The following EDARADD variants were observed in gnomAD, a reference collection of about 807,000 sequenced individuals.
EDARADD encodes the protein ectodysplasin-A receptor-associated adapter protein.
EDARADD carries 20 observed loss-of-function variants against 25.6 expected under a neutral mutation model. The ratio of observed to expected loss-of-function variants is 0.78; its 90% CI spans 0.55 to 1.14. The LOEUF (loss-of-function observed/expected upper bound fraction) is 1.14, where lower values mean the gene tolerates loss of function less well. Ranked by LOEUF, EDARADD falls within the 50% of genes most tolerant of loss-of-function variation. EDARADD has a pLI of 0.00. For missense variants in EDARADD, 225 were observed against 270.1 expected (o/e 0.83, Z 1.17); for synonymous variants, 86 against 94.4 (o/e 0.91, Z 0.52).
chr1:236,416,886 G>A (rs1657652120), intron 3 of EDARADD, among the ~76,000 whole-genome samples: 1 of 152,062 alleles, frequency 6.6e-6, no homozygotes, highest in Non-Finnish European at 1.5e-5. Context: ...GGGTGCCATG[G>A]CTCACACTTG....
chr1:236,409,038 G>A (rs1046886631), intron 1 of EDARADD, among the ~76,000 whole-genome samples, 178 bp from the exon 2 acceptor site: 27 of 145,834 alleles, frequency 1.9e-4, no homozygotes, highest in African/African-American at 6.9e-4. Context: ...ATTACAGCAT[G>A]AGCTACCTCA....
At chr1:236,424,154 C>CTTTTTTTTTT (rs34454343) in intron 3 of EDARADD, among the ~76,000 whole-genome samples, 2 of 74,400 alleles carry the variant, frequency 2.7e-5, no homozygotes, top group African/African-American at 5.0e-5. Context: ...TGTGAAGCAT[C>CTTTTTTTTTT]TTTTTTTTTT....
At chr1:236,362,998 A>ATATATAT in intron 3 of EDARADD, among the ~76,000 whole-genome samples, 1 of 58,130 alleles carries the variant, frequency 1.7e-5, no homozygotes, top group Non-Finnish European at 3.1e-5. Flanking sequence ...AAAAAAAAAA[A>ATATATAT]AAAAAAAAAT....
chr1:236,385,431 AT>A (rs77220110), intron 3 of EDARADD, among the ~76,000 whole-genome samples: 22 of 10,420 alleles, frequency 2.1e-3, no homozygotes, highest in Admixed American at 6.9e-3. Flanking sequence ...AAAAAAAAAA[AT>A]GCTCTTCCAG....
At chr1:236,430,543 A>G (rs1658064782) in intron 4 of EDARADD, among the ~76,000 whole-genome samples, 2 of 152,224 alleles carry the variant, frequency 1.3e-5, no homozygotes, top group African/African-American at 4.8e-5. Flanking sequence ...AGGTGAAAAT[A>G]TATTTATCAA....
chr1:236,349,534 C>T (rs1193296458), intron 2 of EDARADD, among the ~76,000 whole-genome samples: 15 of 112,600 alleles, frequency 1.3e-4, no homozygotes, highest in African/African-American at 5.2e-4. Flanking sequence ...CAACTCAAAG[C>T]GGGGTGGCGG....
chr1:236,357,747 C>T (rs1666997170), intron 3 of EDARADD, among the ~76,000 whole-genome samples: 1 of 151,930 alleles, frequency 6.6e-6, no homozygotes, highest in South Asian at 2.1e-4. Context: ...AGGGATCTGC[C>T]CCAGTGACCT....
chr1:236,412,516 C>T (rs1207392296), intron 2 of EDARADD, among the ~76,000 whole-genome samples: 3 of 152,084 alleles, frequency 2.0e-5, no homozygotes, highest in South Asian at 2.1e-4. Flanking sequence ...AAACTGGGTC[C>T]GTCATTTCTC....
At chr1:236,459,883 G>C (rs1658993033) in intron 4 of EDARADD, among the ~76,000 whole-genome samples, 1 of 152,014 alleles carries the variant, frequency 6.6e-6, no homozygotes, top group Admixed American at 6.6e-5. Flanking sequence ...CAAAGTGCTG[G>C]GATTACAGGC....
At chr1:236,414,651 T>C (rs1421234861) in intron 3 of EDARADD, among the ~76,000 whole-genome samples, 1 of 152,096 alleles carries the variant, frequency 6.6e-6, no homozygotes, top group African/African-American at 2.4e-5. Flanking sequence ...AAGCGGGAAC[T>C]GGCCAGGCGC....
In EDARADD at chr1:236,480,133, ATATC is replaced by A. The variant is rs1181041053; in HGVS notation, c.266-2133_266-2130del. 2.1e-5 allele frequency among the ~76,000 whole-genome samples: 3 copies of A among 142,114 alleles called. No individual in the cohort carries two copies. The East Asian group carries it at 6.4e-4, about 30-fold the overall frequency. The allele number at this position is 142,114 out of a possible 152,430, so 93.2% of individuals were successfully genotyped here. ...TATATATATATATATATATATATAT[ATATC>A]ACATTTTCTTTATCCACTCATTGAT... On this transcript the variant is annotated intron_variant, in intron 5 of 5. Transcript: ENST00000334232.
chr1:236,422,504 C>T (rs1224035543), intron 3 of EDARADD, among the ~76,000 whole-genome samples: 1 of 152,174 alleles, frequency 6.6e-6, no homozygotes, highest in African/African-American at 2.4e-5. Flanking sequence ...GCCAGGACAT[C>T]CAGCAATAAG....
chr1:236,451,049 C>A (rs1436814729), intron 4 of EDARADD, among the ~76,000 whole-genome samples: 1 of 152,164 alleles, frequency 6.6e-6, no homozygotes, highest in African/African-American at 2.4e-5. Flanking sequence ...GCACGCCCAG[C>A]TGAATTTTTG....
rs78991022 is a variant in EDARADD, at chr1:236,440,435, A to T, written c.219+12985A>T. On this transcript the variant is annotated intron_variant, in intron 4 of 5. Coordinates refer to ENST00000334232, the MANE Select transcript of EDARADD (RefSeq NM_145861.4). Reference sequence around the variant, plus strand: ...TTGCTGGGATTATGATTGGGATTGCATTTAATCTATAGATCAATTTGGAAG... The same window carrying T: ...TTGCTGGGATTATGATTGGGATTGCTTTTAATCTATAGATCAATTTGGAAG... Among the ~76,000 whole-genome samples, 4 of 152,154 alleles carry T rather than the reference A, an allele frequency of 2.6e-5. No homozygotes were observed. The East Asian group carries it at 7.7e-4, about 29-fold the overall frequency.
At chr1:236,456,254 C>T (rs1011170231) in intron 4 of EDARADD, among the ~76,000 whole-genome samples, 1 of 152,214 alleles carries the variant, frequency 6.6e-6, no homozygotes, top group Non-Finnish European at 1.5e-5. Context: ...TCACACTCCT[C>T]CATCTCCCTG....
chr1:236,379,707 G>T (rs182964803), intron 3 of EDARADD, among the ~76,000 whole-genome samples: 1 of 151,954 alleles, frequency 6.6e-6, no homozygotes, highest in Non-Finnish European at 1.5e-5. Context: ...TGAACCCCGG[G>T]GGGTGGAGGC....
chr1:236,405,741 C>G (rs547670543), intron 1 of EDARADD, among the ~76,000 whole-genome samples: 1 of 45,160 alleles, frequency 2.2e-5, no homozygotes, highest in African/African-American at 7.7e-5. Flanking sequence ...TTCTTTCTTT[C>G]TTTCTTTCTT....
intron 1 of EDARADD, among the ~76,000 whole-genome samples, chr1:236,408,658 G>A (rs1009734942): frequency 4.2e-4 from 64 of 152,136 alleles, no homozygotes; most frequent in African/African-American, 1.4e-3. Flanking sequence ...TGGGAGGATC[G>A]CTTGAGGCCG....
intron 4 of EDARADD, among the ~76,000 whole-genome samples, chr1:236,443,209 T>C (rs1172355119): frequency 6.6e-6 from 1 of 152,208 alleles, no homozygotes; most frequent in Non-Finnish European, 1.5e-5. Flanking sequence ...ATTCCTTTTC[T>C]TTATAAGTTG....
Sources: gnomAD v4.1 joint callset for allele counts (sites outside exome capture counted in the v4.1 genomes callset) on GRCh38, gnomAD v4.1.1 for gene constraint, MANE v1.5 for transcripts, NCBI Gene and HGNC (gene_info 2026-07-23, HGNC 2026-07-21) for gene names.